SLC25A16: variants seen among roughly 807,000 people sequenced by gnomAD.
SLC25A16 encodes the protein mitochondrial coenzyme A transporter SLC25A16.
In SLC25A16, 39 loss-of-function variants were observed where a neutral mutation model predicts 41.5. That is an observed-to-expected ratio of 0.94 (90% confidence interval 0.73 to 1.23). The LOEUF (loss-of-function observed/expected upper bound fraction) is 1.23. Ranked by LOEUF, SLC25A16 falls within the 50% of genes most tolerant of loss-of-function variation. SLC25A16 has a pLI of 0.00. For missense variants in SLC25A16, 421 were observed against 426.9 expected (o/e 0.99, Z 0.12); for synonymous variants, 146 against 147.8 (o/e 0.99, Z 0.09).
chr10:68,497,369 A>T lies in SLC25A16; in HGVS notation c.422-3799T>A, dbSNP rs80119393. Among the ~76,000 whole-genome samples, 961 of 152,350 alleles carry T rather than the reference A, an allele frequency of 6.3e-3. 6 individuals are homozygous for T. The highest frequency in any genetic ancestry group is 0.022 in the African/African-American group (897 of 41,582). ...TGGAGTAGGAGTCCAGTTCTATAAT[A>T]GTTTGTCCTTTGGGAACACGTTACT... On this transcript the variant is annotated intron_variant, in intron 4 of 8. Transcript: ENST00000609923.
intron 1 of SLC25A16, among the ~76,000 whole-genome samples, chr10:68,524,686 C>A (rs1158906934): frequency 7.4e-6 from 1 of 135,798 alleles, no homozygotes; most frequent in East Asian, 2.2e-4. Flanking sequence ...CCAGCCTGGG[C>A]TACATAGTGA....
chr10:68,517,589 T>C (rs1389442136), intron 1 of SLC25A16: 1 of 152,124 alleles, frequency 6.6e-6, no homozygotes, highest in Non-Finnish European at 1.5e-5. Flanking sequence ...CCCAGCACTT[T>C]CGGAGGCTGA....
At chr10:68,520,715 G>A (rs977170327) in intron 1 of SLC25A16, among the ~76,000 whole-genome samples, 1 of 151,876 alleles carries the variant, frequency 6.6e-6, no homozygotes. Flanking sequence ...GGGAGGCTGA[G>A]GCAGGAGAAT....
intron 7 of SLC25A16, among the ~76,000 whole-genome samples, chr10:68,487,979 A>G (rs2052592734): frequency 6.6e-6 from 1 of 151,898 alleles, no homozygotes; most frequent in Non-Finnish European, 1.5e-5. Context: ...CAACCTCCCG[A>G]GTAGCTGGGA....
chr10:68,526,534 T>C (rs576744912), intron 1 of SLC25A16, among the ~76,000 whole-genome samples: 2 of 152,244 alleles, frequency 1.3e-5, no homozygotes, highest in African/African-American at 4.8e-5. Flanking sequence ...GGTCCCCTTA[T>C]TTCTGTCTCT....
At chr10:68,506,271 G>A (rs1366255574) in intron 3 of SLC25A16, among the ~76,000 whole-genome samples, 2 of 151,604 alleles carry the variant, frequency 1.3e-5, no homozygotes, top group South Asian at 2.1e-4. Flanking sequence ...ATGGCAAAAC[G>A]CTGTCTCTAC....
intron 2 of SLC25A16, among the ~76,000 whole-genome samples, chr10:68,512,350 G>T (rs1368930867): frequency 7.1e-6 from 1 of 141,732 alleles, no homozygotes; most frequent in Non-Finnish European, 1.5e-5. Flanking sequence ...AAAGATAAAT[G>T]ATATTGGCCG....
chr10:68,503,548 T>C, intron 4 of SLC25A16, 84 bp downstream of exon 4: 1 of 848,512 alleles, frequency 1.2e-6, no homozygotes, highest in Non-Finnish European at 1.9e-6. Flanking sequence ...CTTTCCCCAA[T>C]GGCACTCATA....
At position 68,495,532 on chromosome 10, in the gene SLC25A16, C is replaced by T. The variant is rs1329207271; in HGVS notation, c.422-1962G>A. 2.0e-5 allele frequency among the ~76,000 whole-genome samples: 3 copies of T among 151,938 alleles called. No individual in the cohort carries two copies. The East Asian group carries it at 5.8e-4, about 29-fold the overall frequency. On this transcript the variant is annotated intron_variant, in intron 4 of 8. Transcript: ENST00000609923. ...GAAACAGTGGCTCACGCCTGTAATC[C>T]CAGCACTTTGGGAGGCCAAGGTGGG...
chr10:68,493,199 C>T lies in SLC25A16; in HGVS notation c.544-1G>A. 4.4e-6 allele frequency: 7 copies of T among 1,585,092 alleles called. No homozygotes were observed. Among genetic ancestry groups the T allele is most frequent in the Non-Finnish European group, 6.0e-6 (7 of 1,166,728 alleles). Reference sequence around the variant, plus strand: ...TGTAAAATCCAAAGAAACCACCTTCCTTTTGAGTGAAGGAAAATTGCAAGT... The same window carrying T: ...TGTAAAATCCAAAGAAACCACCTTCTTTTTGAGTGAAGGAAAATTGCAAGT... On this transcript the variant is annotated splice_acceptor_variant, in intron 5 of 8. Transcript: ENST00000609923. LOFTEE classifies it high-confidence loss of function.
At chr10:68,497,621 A>ATTTTTTTT (rs565594457) in intron 4 of SLC25A16, among the ~76,000 whole-genome samples, 2 of 140,066 alleles carry the variant, frequency 1.4e-5, no homozygotes, top group African/African-American at 5.3e-5. Context: ...TTTTTTTTTA[A>ATTTTTTTT]TTTTTTTTTT....
At chr10:68,517,495 A>C (rs1470262859) in intron 1 of SLC25A16, 1 of 152,316 alleles carries the variant, frequency 6.6e-6, no homozygotes, top group Non-Finnish European at 1.5e-5. Context: ...AATACTGTAC[A>C]TCTAGTAATG....
intron 1 of SLC25A16, among the ~76,000 whole-genome samples, chr10:68,526,489 G>A (rs2053339693): frequency 6.6e-6 from 1 of 152,082 alleles, no homozygotes; most frequent in Non-Finnish European, 1.5e-5. Context: ...TCAGAGGCTG[G>A]CGGGATCCTC....
intron 2 of SLC25A16, among the ~76,000 whole-genome samples, chr10:68,510,286 C>A (rs1007428873): frequency 4.5e-4 from 69 of 151,914 alleles, no homozygotes; most frequent in African/African-American, 1.4e-3. Context: ...AATCCCAGCA[C>A]TTTGAGAGGC....
chr10:68,527,506 C>T lies in SLC25A16; in HGVS notation c.-131G>A. The stretch of plus-strand genomic sequence containing the variant: ...GGCAAAGTAACACCCGGCGGCGCGG[C>T]GCCGGCTGATGGCGTACAGCAAGGG... On this transcript the variant is annotated 5_prime_UTR_variant, in exon 1 of 9. Coordinates refer to ENST00000609923, the MANE Select transcript of SLC25A16 (RefSeq NM_152707.4). 1.2e-6 allele frequency: 1 copy of T among 869,356 alleles called. No individual in the cohort carries two copies. Among genetic ancestry groups the T allele is most frequent in the East Asian group, 3.2e-5 (1 of 31,010 alleles). 53.9% of individuals were successfully genotyped at this position (869,356 alleles called of 1,614,324 possible). A position where few individuals can be genotyped will look rare whatever the true frequency, so the allele number is the denominator to read the frequency against.
intron 4 of SLC25A16, among the ~76,000 whole-genome samples, chr10:68,500,421 C>T (rs1301932250): frequency 6.6e-6 from 1 of 152,070 alleles, no homozygotes; most frequent in Non-Finnish European, 1.5e-5. Context: ...GATTCTCCTG[C>T]CTCAGCCTCC....
At chr10:68,527,220 G>T in intron 1 of SLC25A16, 26 bp downstream of exon 1, 4 of 1,543,938 alleles carry the variant, frequency 2.6e-6, no homozygotes, top group Non-Finnish European at 3.5e-6. Context: ...TCAGAGCGCG[G>T]CTGGCTCTTC....
At chr10:68,489,347 G>T (rs1418008300) in intron 6 of SLC25A16, among the ~76,000 whole-genome samples, 1 of 152,058 alleles carries the variant, frequency 6.6e-6, no homozygotes, top group Non-Finnish European at 1.5e-5. Context: ...AAGTGAAAAA[G>T]CATTTTTATT....
intron 1 of SLC25A16, chr10:68,517,090 A>G: frequency 8.6e-7 from 1 of 1,159,120 alleles, no homozygotes; most frequent in Non-Finnish European, 1.1e-6. Flanking sequence ...ATACCTGAGG[A>G]AGGCTGGGAA....
Sources: allele counts gnomAD v4.1 joint callset (sites outside exome capture counted in the v4.1 genomes callset), GRCh38; gene constraint gnomAD v4.1.1; transcripts MANE v1.5; gene names NCBI Gene and HGNC (gene_info 2026-07-23, HGNC 2026-07-21).